DCAF5: variants seen among roughly 807,000 people sequenced by gnomAD.
DCAF5 encodes the protein DDB1- and CUL4-associated factor 5.
DCAF5 carries 9 observed loss-of-function variants against 80.7 expected under a neutral mutation model. The observed-to-expected ratio is 0.11, with a 90% CI of 0.07 to 0.19. The LOEUF is 0.19. Among genes scored for constraint, DCAF5 ranks in the 10% least tolerant of loss-of-function variants. DCAF5 has a pLI of 1.00. For missense variants in DCAF5, 842 were observed against 1,205.7 expected, an observed-to-expected ratio of 0.70 and a Z score of 4.47; for synonymous variants, 433 against 461.9, an observed-to-expected ratio of 0.94 and a Z score of 0.80.
At chr14:69,065,096 CT>C (rs34005299) in intron 7 of DCAF5, among the ~76,000 whole-genome samples, 31 of 120,308 alleles carry the variant, frequency 2.6e-4, no homozygotes, top group Middle Eastern at 4.7e-3. Flanking sequence ...AATATGACCT[CT>C]TTTTTTTTTT....
At chr14:69,121,546 GAA>G (rs908700704) in intron 2 of DCAF5, among the ~76,000 whole-genome samples, 1 of 152,214 alleles carries the variant, frequency 6.6e-6, no homozygotes, top group African/African-American at 2.4e-5. Context: ...TTGTAACTGA[GAA>G]AGAAAATCCA....
At chr14:69,066,912 T>TAAA (rs1351251756) in intron 7 of DCAF5, among the ~76,000 whole-genome samples, 4 of 152,240 alleles carry the variant, frequency 2.6e-5, no homozygotes, top group African/African-American at 4.8e-5. Flanking sequence ...AATGAGTACG[T>TAAA]TTTTGACTCA....
chr14:69,084,419 A>C, intron 6 of DCAF5: 1 of 894,990 alleles, frequency 1.1e-6, no homozygotes, highest in Non-Finnish European at 1.9e-6. Flanking sequence ...AGAGGAATTA[A>C]AACAAATTAT....
intron 5 of DCAF5, among the ~76,000 whole-genome samples, chr14:69,114,018 C>T (rs190845453): frequency 6.6e-6 from 1 of 152,128 alleles, no homozygotes; most frequent in Non-Finnish European, 1.5e-5. Context: ...TAAAACCTTA[C>T]CCATAATTGA....
intron 5 of DCAF5, among the ~76,000 whole-genome samples, chr14:69,112,279 T>C (rs767520842): frequency 2.0e-4 from 30 of 151,996 alleles, no homozygotes; most frequent in Non-Finnish European, 3.4e-4. Context: ...CATGAGACAG[T>C]GAAAAAGGGT....
At chr14:69,108,175 A>G (rs1425117989) in intron 5 of DCAF5, among the ~76,000 whole-genome samples, 1 of 152,218 alleles carries the variant, frequency 6.6e-6, no homozygotes, top group Non-Finnish European at 1.5e-5. Flanking sequence ...TTTCCTCTAG[A>G]AGTTAGGGAC....
intron 8 of DCAF5, among the ~76,000 whole-genome samples, chr14:69,061,917 G>T (rs1284094503): frequency 6.6e-6 from 1 of 152,086 alleles, no homozygotes; most frequent in African/African-American, 2.4e-5. Flanking sequence ...TACTTTGGGG[G>T]GCTCAGGCAG....
Position 69,054,621 on chromosome 14 carries a change from C to T in DCAF5, c.2065G>A (p.Ala689Thr), listed in dbSNP as rs116182003. Residue 689 changes from alanine (A) to threonine (T), a missense_variant, in exon 9 of 9, where the codon GCA (alanine) becomes ACA (threonine). By Grantham distance (58) the Ala-to-Thr change is moderately conservative. Transcript: ENST00000341516. ...CTGGTTCCTGCTCTCCCTTCATCTG[C>T]CTCCCCGGTCACCAAGGAGGTCTCT... is the stretch of plus-strand genomic sequence containing the variant. Reference protein sequence around the residue: ...DGETSLVTGEADEGRAGTSHK... With the variant: ...DGETSLVTGETDEGRAGTSHK... 6 of 1,614,146 alleles carry T rather than the reference C, an allele frequency of 3.7e-6. No homozygotes were observed. In the South Asian group the frequency reaches 5.5e-5, roughly 15 times the overall value.
At chr14:69,145,969 T>C (rs1332067338) in intron 1 of DCAF5, among the ~76,000 whole-genome samples, 1 of 152,232 alleles carries the variant, frequency 6.6e-6, no homozygotes, top group African/African-American at 2.4e-5. Flanking sequence ...ACCTACTTCT[T>C]AACTTGGAAT....
In DCAF5 at chr14:69,055,449, G is replaced by C; in HGVS notation, c.1237C>G (p.Pro413Ala). The C allele has an allele frequency of 1.2e-6, 2 of 1,614,118 alleles. No homozygotes were observed. The highest frequency in any genetic ancestry group is 1.7e-6 in the Non-Finnish European group (2 of 1,180,032). The change falls in exon 9 of 9, where the codon CCC becomes GCC. Residue 413 changes from proline (P) to alanine (A), a missense_variant. By Grantham distance (27) the Pro-to-Ala change is conservative. Transcript: ENST00000341516. This position sits in a 1 kb window ranked among gnomAD's most constrained non-coding sequence, Gnocchi z 5.6. ...DYANQSVQED[P>A]RMMAFFDSLV... ...GAGTCAAAGAAGGCCATCATCCGGG[G>C]GTCTTCCTGGACCGACTGGTTGGCG...
intron 7 of DCAF5, among the ~76,000 whole-genome samples, chr14:69,069,652 A>G (rs570018226): frequency 2.6e-5 from 4 of 151,918 alleles, no homozygotes; most frequent in African/African-American, 9.7e-5. Flanking sequence ...TTTTATTATT[A>G]TTATTAGAGA....
Position 69,118,998 on chromosome 14 carries a change from C to A in DCAF5, c.395+196G>T, listed in dbSNP as rs1193756877. The A allele has an allele frequency of 1.6e-5, 9 of 567,534 alleles. No individual in the cohort carries two copies. In the African/African-American group the frequency reaches 1.7e-4, roughly 11 times the overall value. The allele number at this position is 567,534 out of a possible 1,614,324, so 35.2% of individuals were successfully genotyped here. ...TACACTCTCATACCAACTTTCAAAA[C>A]TTTCAAATCCCTTTTTCCTTTTTAA... On this transcript the variant is annotated intron_variant, in intron 3 of 8. Transcript: ENST00000341516. This position sits in a 1 kb window ranked among gnomAD's most constrained non-coding sequence, Gnocchi z 4.0.
At chr14:69,115,525 C>A (rs1394098060) in intron 5 of DCAF5, among the ~76,000 whole-genome samples, 1 of 152,308 alleles carries the variant, frequency 6.6e-6, no homozygotes, top group South Asian at 2.1e-4. Context: ...TGGGAAATTA[C>A]ATCTATGCAG....
Position 69,118,097 on chromosome 14 carries a change from C to G in DCAF5, c.535+42G>C. On this transcript the variant is annotated intron_variant, in intron 4 of 8. Coordinates refer to ENST00000341516, the MANE Select transcript of DCAF5 (RefSeq NM_003861.3). This position sits in a 1 kb window ranked among gnomAD's most constrained non-coding sequence, Gnocchi z 4.0. ...GATCTTCAATGAATCTGACATCAAA[C>G]TGTTCAACACAGTCCAACAGTCATT... The G allele has an allele frequency of 6.2e-7, 1 of 1,606,264 alleles. No individual in the cohort carries two copies. The highest frequency in any genetic ancestry group is 8.5e-7 in the Non-Finnish European group (1 of 1,174,310).
chr14:69,081,612 ACTCT>A (rs2039105908), intron 6 of DCAF5, among the ~76,000 whole-genome samples: 2 of 152,042 alleles, frequency 1.3e-5, no homozygotes, highest in African/African-American at 4.8e-5. Flanking sequence ...GAGATCAACA[ACTCT>A]CTCTCAATAG....
At chr14:69,066,227 T>G (rs1055650048) in intron 7 of DCAF5, among the ~76,000 whole-genome samples, 5 of 151,494 alleles carry the variant, frequency 3.3e-5, no homozygotes, top group Non-Finnish European at 7.4e-5. Context: ...CTCCTCCTCC[T>G]GGGTTCAAGC....
intron 5 of DCAF5, among the ~76,000 whole-genome samples, chr14:69,097,198 T>C (rs1354107111): frequency 6.6e-6 from 1 of 152,154 alleles, no homozygotes; most frequent in Non-Finnish European, 1.5e-5. Flanking sequence ...AAAGAACTCT[T>C]ATGCAAACAA....
At chr14:69,147,331 C>G (rs2041570441) in intron 1 of DCAF5, among the ~76,000 whole-genome samples, 1 of 152,162 alleles carries the variant, frequency 6.6e-6, no homozygotes, top group African/African-American at 2.4e-5. Context: ...TCCTGAAAGC[C>G]TTTTGTGACA....
chr14:69,085,890 T>C (rs2039299253), intron 6 of DCAF5, among the ~76,000 whole-genome samples: 1 of 152,208 alleles, frequency 6.6e-6, no homozygotes, highest in South Asian at 2.1e-4. Context: ...TTGATCTCTA[T>C]AACACAGTGG....
Sources: allele counts gnomAD v4.1 joint callset (sites outside exome capture counted in the v4.1 genomes callset), GRCh38; gene constraint gnomAD v4.1.1; non-coding constraint Gnocchi (gnomAD v3.1); transcripts MANE v1.5; gene names NCBI Gene and HGNC (gene_info 2026-07-23, HGNC 2026-07-21).